Variants in GIPC2 observed in about 807,000 individuals in gnomAD.
GIPC2 encodes PDZ domain-containing protein GIPC2.
Under a neutral mutation model 30.6 loss-of-function variants are expected in GIPC2, and 30 were observed. The ratio of observed to expected loss-of-function variants is 0.98; its 90% CI spans 0.73 to 1.33. GIPC2 has a LOEUF of 1.33. Among genes scored for constraint, GIPC2 ranks in the 40% most tolerant of loss-of-function variants. The probability of loss-of-function intolerance (pLI) is 0.00; values close to 1 mark genes in which losing one functional copy is unlikely to be tolerated. For synonymous variants in GIPC2, 167 were observed against 150.0 expected, an observed-to-expected ratio of 1.11 and a Z score of -0.83; for missense variants, 414 against 390.3, an observed-to-expected ratio of 1.06 and a Z score of -0.51.
chr1:78,126,693 G>A (rs181253663), intron 5 of GIPC2, among the ~76,000 whole-genome samples: 2 of 152,244 alleles, frequency 1.3e-5, no homozygotes, highest in East Asian at 1.9e-4. Flanking sequence ...TTCATTTCAG[G>A]CCCCTGTGGT....
chr1:78,052,639 A>C (rs1471089408), intron 1 of GIPC2, among the ~76,000 whole-genome samples: 1 of 152,232 alleles, frequency 6.6e-6, no homozygotes, highest in Non-Finnish European at 1.5e-5. Flanking sequence ...TATATATTTA[A>C]GGTATACAAC....
intron 1 of GIPC2, among the ~76,000 whole-genome samples, chr1:78,077,959 C>T (rs1277233577): frequency 2.0e-5 from 3 of 151,876 alleles, no homozygotes; most frequent in Non-Finnish European, 4.4e-5. Flanking sequence ...GAGGCCGAGG[C>T]GGGCGGATCA....
intron 1 of GIPC2, among the ~76,000 whole-genome samples, chr1:78,057,091 A>G (rs1179924061): frequency 6.6e-6 from 1 of 152,170 alleles, no homozygotes; most frequent in East Asian, 1.9e-4. Context: ...TCCCGATGAG[A>G]CAATATCAAA....
At position 78,138,421 on chromosome 1, in the gene GIPC2, C is replaced by T. The variant is rs904140843; in HGVS notation, c.*2678C>T. ...GCAATATTTTCCCTTGCAACTTTAGCAAATACACATATTCCAAGTAAAACT... is the reference window on the plus strand; with the variant it reads ...GCAATATTTTCCCTTGCAACTTTAGTAAATACACATATTCCAAGTAAAACT... On this transcript the variant is annotated 3_prime_UTR_variant, in exon 6 of 6. Coordinates refer to ENST00000370759, the MANE Select transcript of GIPC2 (RefSeq NM_017655.6). The T allele has an allele frequency of 3.9e-5, 6 of 152,300 alleles. No individual in the cohort carries two copies. The highest frequency in any genetic ancestry group is 1.4e-4 in the African/African-American group (6 of 41,548). The allele number at this position is 152,300 out of a possible 1,614,324, so 9.4% of individuals were successfully genotyped here.
rs1354608409 is a variant in GIPC2 at position 78,136,371 on chromosome 1, G to C, written c.*628G>C. ...TTCTTTATACATGCTCTTAAAACTT[G>C]TGGTTGAAATCTGTGCTGTGTGTGT... is the stretch of plus-strand genomic sequence containing the variant. On this transcript the variant is annotated 3_prime_UTR_variant, in exon 6 of 6. Transcript: ENST00000370759. 6.6e-6 allele frequency: 1 copy of C among 152,002 alleles called. No individual in the cohort carries two copies. Among genetic ancestry groups the C allele is most frequent in the Non-Finnish European group, 1.5e-5 (1 of 67,976 alleles). The allele number at this position is 152,002 out of a possible 1,614,324, so 9.4% of individuals were successfully genotyped here.
intron 1 of GIPC2, among the ~76,000 whole-genome samples, chr1:78,071,561 T>C (rs896144506): frequency 4.6e-5 from 7 of 151,566 alleles, no homozygotes; most frequent in East Asian, 3.9e-4. Context: ...CTTCTTCTTT[T>C]TTCTTCTTCT....
intron 2 of GIPC2, among the ~76,000 whole-genome samples, chr1:78,083,233 A>G (rs1433339687): frequency 2.0e-5 from 3 of 152,096 alleles, no homozygotes; most frequent in African/African-American, 7.2e-5. Context: ...AGTCTTCCTT[A>G]ATCTAGAATA....
chr1:78,116,546 C>T (rs1335566481), intron 3 of GIPC2, among the ~76,000 whole-genome samples: 1 of 152,016 alleles, frequency 6.6e-6, no homozygotes, highest in African/African-American at 2.4e-5. Context: ...TGATGTTCCC[C>T]TTCCTGTGTC....
At chr1:78,131,716 T>C (rs1000529165) in intron 5 of GIPC2, among the ~76,000 whole-genome samples, 1 of 152,216 alleles carries the variant, frequency 6.6e-6, no homozygotes, top group Non-Finnish European at 1.5e-5. Flanking sequence ...CCTGTAAAGA[T>C]GTCTTAAAAG....
At chr1:78,115,746 C>T (rs1215983325) in intron 3 of GIPC2, among the ~76,000 whole-genome samples, 1 of 152,224 alleles carries the variant, frequency 6.6e-6, no homozygotes, top group African/African-American at 2.4e-5. Flanking sequence ...CCCAAATCAT[C>T]AGCCACCATT....
At chr1:78,053,864 G>A (rs754147395) in intron 1 of GIPC2, among the ~76,000 whole-genome samples, 1 of 151,772 alleles carries the variant, frequency 6.6e-6, no homozygotes, top group Non-Finnish European at 1.5e-5. Context: ...GGAGTTTGAG[G>A]CTGCAGTGAG....
intron 3 of GIPC2, among the ~76,000 whole-genome samples, chr1:78,115,368 A>G (rs77451487): frequency 5.9e-5 from 9 of 152,274 alleles, no homozygotes; most frequent in Non-Finnish European, 1.2e-4. Flanking sequence ...GGAAATTTAT[A>G]TGGGCAGACA....
At chr1:78,128,141 G>A (rs1236938835) in intron 5 of GIPC2, among the ~76,000 whole-genome samples, 2 of 152,202 alleles carry the variant, frequency 1.3e-5, no homozygotes, top group African/African-American at 4.8e-5. Context: ...AGAAGTTAAA[G>A]CTGAAAACCA....
At chr1:78,123,307 A>T (rs541629920) in intron 4 of GIPC2, among the ~76,000 whole-genome samples, 1 of 151,662 alleles carries the variant, frequency 6.6e-6, no homozygotes, top group Admixed American at 6.6e-5. Flanking sequence ...CTCCGGAAGA[A>T]ATTAGTGAGT....
chr1:78,057,810 A>G (rs1661323844), intron 1 of GIPC2, among the ~76,000 whole-genome samples: 1 of 152,242 alleles, frequency 6.6e-6, no homozygotes, highest in African/African-American at 2.4e-5. Flanking sequence ...AAAACAGACA[A>G]TAATCCTTGG....
At chr1:78,082,690 G>A (rs1021308343) in intron 2 of GIPC2, among the ~76,000 whole-genome samples, 9 of 152,196 alleles carry the variant, frequency 5.9e-5, no homozygotes, top group Admixed American at 3.9e-4. Flanking sequence ...TAGCCCTGTG[G>A]AGATATAGGG....
chr1:78,062,672 AT>A (rs969342887), intron 1 of GIPC2, among the ~76,000 whole-genome samples: 190 of 142,088 alleles, frequency 1.3e-3, no homozygotes, highest in Middle Eastern at 3.6e-3. Context: ...TGCCCAGCTA[AT>A]TTTTTTTTTT....
At position 78,096,421 on chromosome 1, in the gene GIPC2, T is replaced by C. The variant is rs142741112; in HGVS notation, c.607+1289T>C. Among the ~76,000 whole-genome samples, 313 of 152,312 alleles carry C rather than the reference T, an allele frequency of 2.1e-3. 4 individuals carry two copies. The highest frequency in any genetic ancestry group is 6.8e-3 in the African/African-American group (281 of 41,590). ...GTAAATCAAAGCCATTCTATTAGCA[T>C]AACTCAAGAAATCTATTTTTTTCTG... On this transcript the variant is annotated intron_variant, in intron 3 of 5. Coordinates refer to ENST00000370759, the MANE Select transcript of GIPC2 (RefSeq NM_017655.6).
At chr1:78,100,947 C>T (rs59260936) in intron 3 of GIPC2, among the ~76,000 whole-genome samples, 10,878 of 121,158 alleles carry the variant, frequency 0.09, 463 homozygotes, top group African/African-American at 0.15. Flanking sequence ...AAAATACACA[C>T]ACACACACAC....
Sources: gnomAD v4.1 joint callset for allele counts (sites outside exome capture counted in the v4.1 genomes callset) on GRCh38, gnomAD v4.1.1 for gene constraint, MANE v1.5 for transcripts, NCBI Gene and HGNC (gene_info 2026-07-23, HGNC 2026-07-21) for gene names.